The following TMEM45A variants were observed in gnomAD, a reference collection of about 807,000 sequenced individuals.
The protein encoded by TMEM45A is transmembrane protein 45A, also known as DNA polymerase-transactivated protein 4.
TMEM45A carries 25 observed loss-of-function variants against 32.0 expected under a neutral mutation model. The ratio of observed to expected loss-of-function variants is 0.78; its 90% CI spans 0.57 to 1.09. The LOEUF (loss-of-function observed/expected upper bound fraction) is 1.09, where lower values mean the gene tolerates loss of function less well. Ranked by LOEUF, TMEM45A falls within the 50% of genes least tolerant of loss-of-function variation. TMEM45A has a pLI of 0.00. For missense variants in TMEM45A, 302 were observed against 325.0 expected (o/e 0.93, Z 0.54); for synonymous variants, 122 against 114.8 (o/e 1.06, Z -0.40).
intron 1 of TMEM45A, among the ~76,000 whole-genome samples, chr3:100,506,119 C>G (rs948872650): frequency 6.6e-6 from 1 of 152,188 alleles, no homozygotes; most frequent in South Asian, 2.1e-4. Flanking sequence ...GAGCCTGGCT[C>G]TCACCAAAGG....
chr3:100,534,384 G>C (rs1235066584), intron 1 of TMEM45A, among the ~76,000 whole-genome samples: 1 of 152,170 alleles, frequency 6.6e-6, no homozygotes, highest in Non-Finnish European at 1.5e-5. Flanking sequence ...CATAAGGAGG[G>C]AGGCAGGAGG....
chr3:100,575,672 A>G (rs1353396080), intron 5 of TMEM45A, among the ~76,000 whole-genome samples: 3 of 152,112 alleles, frequency 2.0e-5, no homozygotes, highest in Non-Finnish European at 4.4e-5. Flanking sequence ...TGCCCAGCCC[A>G]GATTCTCTTA....
chr3:100,509,211 T>G (rs1708120035), intron 1 of TMEM45A, among the ~76,000 whole-genome samples: 2 of 152,244 alleles, frequency 1.3e-5, no homozygotes, highest in South Asian at 4.1e-4. Context: ...ATTAAAGAAC[T>G]GCAAATCAAA....
Position 100,537,361 on chromosome 3 carries a change from C to T in TMEM45A, c.-3-17848C>T, listed in dbSNP as rs77579654. Among the ~76,000 whole-genome samples, 52 of 152,288 alleles carry T rather than the reference C, an allele frequency of 3.4e-4. No individual in the cohort carries two copies. The East Asian group carries it at 5.6e-3, about 16-fold the overall frequency. On this transcript the variant is annotated intron_variant, in intron 1 of 5. Coordinates refer to ENST00000323523, the MANE Select transcript of TMEM45A (RefSeq NM_018004.3). Reference sequence around the variant, plus strand: ...CTGGTATAGTTTGTACACCTGTGAGCTTTGGGAACTCAGAGATCTATTAGC... The same window carrying T: ...CTGGTATAGTTTGTACACCTGTGAGTTTTGGGAACTCAGAGATCTATTAGC...
chr3:100,516,899 A>G lies in TMEM45A; in HGVS notation c.-4+23971A>G, dbSNP rs1233074261. Among the ~76,000 whole-genome samples the G allele has an allele frequency of 3.3e-5, 5 of 152,230 alleles. No homozygotes were observed. The East Asian group carries it at 7.7e-4, about 24-fold the overall frequency. ...TACTTTGAGATATCCTCTCCCTGGC[A>G]TGAGATGAGTCCTTGTGAAGTGAAA... On this transcript the variant is annotated intron_variant, in intron 1 of 5. Coordinates refer to ENST00000323523, the MANE Select transcript of TMEM45A (RefSeq NM_018004.3).
chr3:100,553,860 G>T (rs1011939054), intron 1 of TMEM45A, among the ~76,000 whole-genome samples: 12 of 152,162 alleles, frequency 7.9e-5, no homozygotes, highest in African/African-American at 2.9e-4. Flanking sequence ...ACTGCCTGGG[G>T]TCACCACTGA....
intron 4 of TMEM45A, among the ~76,000 whole-genome samples, chr3:100,562,815 A>C (rs1559652423): frequency 2.0e-5 from 3 of 152,220 alleles, no homozygotes; most frequent in Non-Finnish European, 2.9e-5. Context: ...TTGACAATGC[A>C]TGCTGTCCTG....
intron 1 of TMEM45A, among the ~76,000 whole-genome samples, chr3:100,513,008 AG>A (rs1708193633): frequency 6.7e-6 from 1 of 150,152 alleles, no homozygotes; most frequent in Non-Finnish European, 1.5e-5. Context: ...AAAAGAGTCC[AG>A]GACCAGATGG....
At chr3:100,496,414 C>T (rs1312388242) in intron 1 of TMEM45A, among the ~76,000 whole-genome samples, 4 of 152,080 alleles carry the variant, frequency 2.6e-5, no homozygotes, top group Admixed American at 1.3e-4. Context: ...AGAAATTTGC[C>T]CAAGATTACA....
intron 1 of TMEM45A, among the ~76,000 whole-genome samples, chr3:100,549,283 AC>A (rs371808069): frequency 2.0e-5 from 3 of 151,906 alleles, no homozygotes; most frequent in Admixed American, 6.6e-5. Flanking sequence ...AAACAAAAAA[AC>A]CACCAAAACC....
At chr3:100,497,651 TATA>T (rs1339880920) in intron 1 of TMEM45A, among the ~76,000 whole-genome samples, 1 of 152,234 alleles carries the variant, frequency 6.6e-6, no homozygotes, top group Non-Finnish European at 1.5e-5. Flanking sequence ...AGTGGAAGTA[TATA>T]ATATTTATTC....
At chr3:100,497,606 T>G (rs1707947648) in intron 1 of TMEM45A, among the ~76,000 whole-genome samples, 1 of 152,204 alleles carries the variant, frequency 6.6e-6, no homozygotes, top group South Asian at 2.1e-4. Flanking sequence ...TACTTGCTAT[T>G]TTTATGAATT....
intron 3 of TMEM45A, among the ~76,000 whole-genome samples, 177 bp from the exon 4 acceptor site, chr3:100,558,228 T>C (rs1706261381): frequency 6.6e-6 from 1 of 152,162 alleles, no homozygotes; most frequent in Non-Finnish European, 1.5e-5. Context: ...TCAAAGATCC[T>C]ATTCTAATGA....
intron 2 of TMEM45A, 104 bp downstream of exon 2, chr3:100,555,505 C>T: frequency 8.2e-7 from 1 of 1,226,010 alleles, no homozygotes; most frequent in Admixed American, 2.4e-5. Context: ...TTGTTCTGAT[C>T]TCTGAAAGAA....
chr3:100,520,668 G>T (rs758409293), intron 1 of TMEM45A, among the ~76,000 whole-genome samples: 1 of 152,130 alleles, frequency 6.6e-6, no homozygotes, highest in South Asian at 2.1e-4. Flanking sequence ...CTAGGCCTCT[G>T]CTTCTAGTCT....
chr3:100,537,901 TG>T (rs1277557406), intron 1 of TMEM45A, among the ~76,000 whole-genome samples: 3 of 152,264 alleles, frequency 2.0e-5, no homozygotes, highest in African/African-American at 7.2e-5. Context: ...GTGACTGCGC[TG>T]AACCAAAGAG....
intron 1 of TMEM45A, among the ~76,000 whole-genome samples, chr3:100,542,478 C>T (rs1463484110): frequency 6.6e-6 from 1 of 152,156 alleles, no homozygotes; most frequent in Non-Finnish European, 1.5e-5. Context: ...AACTAAAGAT[C>T]TTCTGCAGAG....
intron 1 of TMEM45A, among the ~76,000 whole-genome samples, chr3:100,530,157 C>A (rs1167262508): frequency 2.0e-5 from 3 of 152,196 alleles, no homozygotes; most frequent in Non-Finnish European, 4.4e-5. Flanking sequence ...CCATCCATTT[C>A]TCCTGTCCCC....
chr3:100,519,731 C>T, intron 1 of TMEM45A: 1 of 1,020,246 alleles, frequency 9.8e-7, no homozygotes, highest in South Asian at 1.4e-5. Flanking sequence ...GTGCAAGTAA[C>T]TTATTGTGGG....
Sources: gnomAD v4.1 joint callset for allele counts (sites outside exome capture counted in the v4.1 genomes callset) on GRCh38, gnomAD v4.1.1 for gene constraint, MANE v1.5 for transcripts, NCBI Gene and HGNC (gene_info 2026-07-23, HGNC 2026-07-21) for gene names.